The following CACNA1I variants were observed in gnomAD, a reference collection of about 807,000 sequenced individuals.
CACNA1I encodes calcium voltage-gated channel subunit alpha1 I.
CACNA1I carries 74 observed loss-of-function variants against 201.6 expected under a neutral mutation model. The ratio of observed to expected loss-of-function variants is 0.37; its 90% CI spans 0.30 to 0.45. The LOEUF (loss-of-function observed/expected upper bound fraction) is 0.45, where lower values mean the gene tolerates loss of function less well. CACNA1I is among the 20% of genes least tolerant of loss of function. The pLI is 1.00. For missense variants in CACNA1I, 2,346 were observed against 3,138.1 expected, an observed-to-expected ratio of 0.75 and a Z score of 6.03; for synonymous variants, 1,431 against 1,345.2, an observed-to-expected ratio of 1.06 and a Z score of -1.40.
intron 1 of CACNA1I, among the ~76,000 whole-genome samples, chr22:39,590,260 G>A (rs959287245): frequency 1.3e-5 from 2 of 152,242 alleles, no homozygotes; most frequent in African/African-American, 4.8e-5. Context: ...AGGGTGTGGT[G>A]TGGTTATGAT....
chr22:39,675,303 G>C (rs1429905854), intron 29 of CACNA1I, among the ~76,000 whole-genome samples: 1 of 152,242 alleles, frequency 6.6e-6, no homozygotes, highest in Non-Finnish European at 1.5e-5. Flanking sequence ...TTCATGAGAA[G>C]TGCCATTTAA....
At chr22:39,654,496 G>C (rs1379865437) in intron 10 of CACNA1I, among the ~76,000 whole-genome samples, 1 of 152,220 alleles carries the variant, frequency 6.6e-6, no homozygotes, top group Non-Finnish European at 1.5e-5. Context: ...AGCTCCCAGA[G>C]GACTGCATTC....
chr22:39,601,158 G>C (rs1336998929), intron 3 of CACNA1I, among the ~76,000 whole-genome samples: 2 of 152,122 alleles, frequency 1.3e-5, no homozygotes, highest in African/African-American at 2.4e-5. Context: ...ACCCTGCTCT[G>C]GGTCTTGTGC....
At chr22:39,671,855 T>C (rs1199645292) in intron 26 of CACNA1I, among the ~76,000 whole-genome samples, 1 of 152,190 alleles carries the variant, frequency 6.6e-6, no homozygotes, top group African/African-American at 2.4e-5. Context: ...CTTTCTAAGA[T>C]GAAATGACTT....
chr22:39,648,877 T>A lies in CACNA1I; in HGVS notation c.1568-624T>A, dbSNP rs1934567094. 6.6e-6 allele frequency among the ~76,000 whole-genome samples: 1 copy of A among 152,016 alleles called. No individual in the cohort carries two copies. Among genetic ancestry groups the A allele is most frequent in the East Asian group, 1.9e-4 (1 of 5,134 alleles). On this transcript the variant is annotated intron_variant, in intron 9 of 36. Coordinates refer to ENST00000402142, the MANE Select transcript of CACNA1I (RefSeq NM_021096.4). The surrounding 1 kb of genome is among the most constrained non-coding windows in gnomAD (Gnocchi z 5.4). ...GGCAGCAAAGGGATGAAGTTCCCTC[T>A]TCCCAGGGGCCCTTCCTGCCCGCTG...
chr22:39,650,381 C>G (rs1027306939), intron 10 of CACNA1I, among the ~76,000 whole-genome samples: 2 of 152,114 alleles, frequency 1.3e-5, no homozygotes, highest in Non-Finnish European at 2.9e-5. Context: ...TGCAGTGGCA[C>G]GATCAAGCGA....
intron 1 of CACNA1I, among the ~76,000 whole-genome samples, chr22:39,578,619 G>A (rs1357980028): frequency 6.6e-6 from 1 of 151,928 alleles, no homozygotes; most frequent in East Asian, 1.9e-4. Flanking sequence ...TTCCTCCTTG[G>A]GGGTTTGTCT....
At chr22:39,631,049 G>C (rs1934049354) in intron 4 of CACNA1I, among the ~76,000 whole-genome samples, 1 of 152,196 alleles carries the variant, frequency 6.6e-6, no homozygotes, top group Non-Finnish European at 1.5e-5. Flanking sequence ...ATAAGGATTT[G>C]CACTTTCCCA....
In CACNA1I at chr22:39,649,752, A is replaced by AAGGAGG. The variant is rs755371506; in HGVS notation, c.1834_1839dup (p.Glu612_Glu613dup). 3.2e-6 allele frequency: 5 copies of AAGGAGG among 1,586,270 alleles called. No individual in the cohort carries two copies. Among genetic ancestry groups the AAGGAGG allele is most frequent in the Non-Finnish European group, 3.4e-6 (4 of 1,166,446 alleles). On this transcript the variant is annotated inframe_insertion, in exon 10 of 37. Transcript: ENST00000402142. The surrounding 1 kb of genome is among the most constrained non-coding windows in gnomAD (Gnocchi z 7.3). Reference sequence around the variant, plus strand: ...GGACGGAGCCTCCTCAGAACTGGGGAAGGAGGAGGAGGAGGAGGAGCAGGC... The same window carrying AAGGAGG: ...GGACGGAGCCTCCTCAGAACTGGGGAAGGAGGAGGAGGAGGAGGAGGAGGAGCAGGC...
At chr22:39,635,340 G>GC (rs1056139752) in intron 5 of CACNA1I, among the ~76,000 whole-genome samples, 4 of 136,848 alleles carry the variant, frequency 2.9e-5, no homozygotes, top group African/African-American at 1.4e-4. Flanking sequence ...TGCGGCAGAA[G>GC]GGGGGGGGTC....
chr22:39,621,639 C>G (rs1933746538), intron 4 of CACNA1I, among the ~76,000 whole-genome samples: 1 of 152,240 alleles, frequency 6.6e-6, no homozygotes, highest in South Asian at 2.1e-4. Flanking sequence ...ACAGAGGGGG[C>G]CTGGGGGCTG....
chr22:39,672,369 C>A, intron 27 of CACNA1I, 61 bp downstream of exon 27: 1 of 1,171,088 alleles, frequency 8.5e-7, no homozygotes, highest in African/African-American at 1.5e-5. Context: ...AGAAGCAGTC[C>A]TGACCCTTAG....
chr22:39,686,338 C>T lies in CACNA1I; in HGVS notation c.6605C>T (p.Ala2202Val), dbSNP rs1601537301. The change falls in exon 37 of 37, where the codon GCG becomes GTG. Residue 2202 changes from alanine (A) to valine (V), a missense_variant. Physicochemically the swap from Ala to Val is moderately conservative, Grantham distance 64. Around this residue, in one of 13 missense-constraint regions of CACNA1I, gnomAD observed 187 missense variants for 151.0 expected, o/e 1.24. Coordinates refer to ENST00000402142, the MANE Select transcript of CACNA1I (RefSeq NM_021096.4). ...APLPMGLGPL[A>V]PPPQPLPGEL... ...CTGCCCATGGGCCTGGGCCCCTTGG[C>T]GCCCCCGCCGCAACCGCTCCCCGGA... The T allele has an allele frequency of 3.1e-6, 4 of 1,305,296 alleles. No homozygotes were observed. The highest frequency in any genetic ancestry group is 3.2e-5 in the East Asian group (1 of 31,076). 80.9% of individuals were successfully genotyped at this position (1,305,296 alleles called of 1,614,324 possible).
chr22:39,579,801 C>T (rs953693386), intron 1 of CACNA1I, among the ~76,000 whole-genome samples: 1 of 152,202 alleles, frequency 6.6e-6, no homozygotes, highest in African/African-American at 2.4e-5. Flanking sequence ...CGCCCACCAC[C>T]ATGCCTGGCT....
intron 26 of CACNA1I, 99 bp downstream of exon 26, chr22:39,671,053 T>TCCTGCTATC: frequency 1.8e-6 from 2 of 1,116,850 alleles, no homozygotes; most frequent in Non-Finnish European, 2.6e-6. Flanking sequence ...GGTTAGCTGA[T>TCCTGCTATC]AGCAGGATGT....
At chr22:39,618,737 G>A (rs1244587905) in intron 3 of CACNA1I, among the ~76,000 whole-genome samples, 1 of 151,944 alleles carries the variant, frequency 6.6e-6, no homozygotes, top group African/African-American at 2.4e-5. Context: ...GGGGGCAGGG[G>A]GGGTCATCCT....
chr22:39,605,429 G>A (rs1933193236), intron 3 of CACNA1I, among the ~76,000 whole-genome samples: 2 of 152,122 alleles, frequency 1.3e-5, no homozygotes, highest in Non-Finnish European at 2.9e-5. Context: ...TTCTTTCACG[G>A]AGCTGAAACT....
Position 39,662,132 on chromosome 22 carries a change from C to G in CACNA1I, c.3069C>G (p.Asp1023Glu). ...CCCGGGTCTGCGAGGTTGCCGCGGA[C>G]GAGGGGCCGCCGCGGGCCGCACCCC... Reference protein sequence around the residue: ...GGARVCEVAADEGPPRAAPLH... With the variant: ...GGARVCEVAAEEGPPRAAPLH... The change falls in exon 17 of 37, where the codon GAC (aspartate) becomes GAG (glutamate). Residue 1023 changes from aspartate to glutamate, a missense_variant. Coordinates refer to ENST00000402142, the MANE Select transcript of CACNA1I (RefSeq NM_021096.4). The G allele has an allele frequency of 6.6e-7, 1 of 1,525,758 alleles. No individual in the cohort carries two copies. Among genetic ancestry groups the G allele is most frequent in the Non-Finnish European group, 8.8e-7 (1 of 1,140,556 alleles). 94.5% of individuals were successfully genotyped at this position (1,525,758 alleles called of 1,614,324 possible).
chr22:39,610,082 T>C (rs1000655129), intron 3 of CACNA1I, among the ~76,000 whole-genome samples: 1 of 152,212 alleles, frequency 6.6e-6, no homozygotes, highest in Non-Finnish European at 1.5e-5. Flanking sequence ...GTGTGCACTA[T>C]TGGTGGGTAA....
Sources: allele counts gnomAD v4.1 joint callset (sites outside exome capture counted in the v4.1 genomes callset), GRCh38; gene constraint gnomAD v4.1.1; regional missense constraint gnomAD v4.1.1; non-coding constraint Gnocchi (gnomAD v3.1); transcripts MANE v1.5; gene names NCBI Gene and HGNC (gene_info 2026-07-23, HGNC 2026-07-21).